The following GRM7 variants were observed in gnomAD, a reference collection of about 807,000 sequenced individuals.
The protein encoded by GRM7 is glutamate metabotropic receptor 7, also known as metabotropic glutamate receptor 7.
GRM7 carries 35 observed loss-of-function variants against 84.5 expected under a neutral mutation model. That is an observed-to-expected ratio of 0.41 (90% CI 0.32 to 0.55). The LOEUF (loss-of-function observed/expected upper bound fraction) is 0.55, where lower values mean the gene tolerates loss of function less well. Among genes scored for constraint, GRM7 ranks in the 20% least tolerant of loss-of-function variants. The pLI is 0.19. For synonymous variants in GRM7, 487 were observed against 455.1 expected, an observed-to-expected ratio of 1.07 and a Z score of -0.89; for missense variants, 1,003 against 1,194.6, an observed-to-expected ratio of 0.84 and a Z score of 2.36.
At chr3:7,573,667 G>A (rs1694817608) in intron 7 of GRM7, among the ~76,000 whole-genome samples, 1 of 152,118 alleles carries the variant, frequency 6.6e-6, no homozygotes, top group South Asian at 2.1e-4. Context: ...CCCAACATGT[G>A]TGCTAGAAAA....
intron 9 of GRM7, among the ~76,000 whole-genome samples, chr3:7,733,710 T>C (rs1321214894): frequency 6.6e-6 from 1 of 152,204 alleles, no homozygotes; most frequent in Non-Finnish European, 1.5e-5. Context: ...GAATTTGTTA[T>C]GACAATCTGC....
chr3:7,301,012 T>C (rs1575139289), intron 3 of GRM7, among the ~76,000 whole-genome samples: 1 of 152,258 alleles, frequency 6.6e-6, no homozygotes, highest in Middle Eastern at 3.4e-3. Context: ...ATAAGCTTCT[T>C]TTTTTTCTGA....
intron 1 of GRM7, among the ~76,000 whole-genome samples, chr3:6,871,571 G>A (rs1033291862): frequency 2.6e-5 from 4 of 151,230 alleles, no homozygotes; most frequent in African/African-American, 4.9e-5. Flanking sequence ...TGTCATCTCC[G>A]TTTAGGTATT....
chr3:6,954,517 T>G (rs1028844907), intron 1 of GRM7, among the ~76,000 whole-genome samples: 6 of 152,160 alleles, frequency 3.9e-5, no homozygotes, highest in African/African-American at 1.4e-4. Context: ...TGAATCCCCT[T>G]ATAAGTTTTC....
chr3:7,431,301 A>G (rs1346889684), intron 5 of GRM7, among the ~76,000 whole-genome samples: 1 of 152,226 alleles, frequency 6.6e-6, no homozygotes, highest in East Asian at 1.9e-4. Flanking sequence ...GAGTGAAAGA[A>G]TCCAGACCCC....
chr3:7,294,955 C>T (rs935994000), intron 2 of GRM7, among the ~76,000 whole-genome samples: 2 of 152,168 alleles, frequency 1.3e-5, no homozygotes, highest in African/African-American at 2.4e-5. Flanking sequence ...AAGTGTCTGG[C>T]TTGTGCTTTC....
intron 7 of GRM7, among the ~76,000 whole-genome samples, chr3:7,482,532 G>T (rs770934432): frequency 1.2e-4 from 18 of 152,198 alleles, no homozygotes; most frequent in Non-Finnish European, 2.5e-4. Flanking sequence ...CAGGAGGCAT[G>T]TCCTTAGAGA....
At chr3:6,966,497 A>G (rs1469095133) in intron 1 of GRM7, among the ~76,000 whole-genome samples, 7 of 152,214 alleles carry the variant, frequency 4.6e-5, no homozygotes, top group Admixed American at 3.9e-4. Flanking sequence ...GAGAGCAGAA[A>G]CAGTGTTTAC....
intron 4 of GRM7, among the ~76,000 whole-genome samples, chr3:7,388,698 T>G (rs935703317): frequency 6.6e-6 from 1 of 152,142 alleles, no homozygotes; most frequent in African/African-American, 2.4e-5. Context: ...TTTATCTATT[T>G]CCTTTAGATT....
intron 2 of GRM7, among the ~76,000 whole-genome samples, chr3:7,239,095 G>A (rs998389487): frequency 6.6e-6 from 1 of 150,660 alleles, no homozygotes; most frequent in African/African-American, 2.4e-5. Flanking sequence ...ACCTCCCTGG[G>A]CTCAAGTGAT....
At chr3:7,231,390 G>A (rs1164181310) in intron 2 of GRM7, among the ~76,000 whole-genome samples, 1 of 152,098 alleles carries the variant, frequency 6.6e-6, no homozygotes, top group Non-Finnish European at 1.5e-5. Context: ...TCCAACAGAT[G>A]AACATATGGC....
intron 1 of GRM7, among the ~76,000 whole-genome samples, chr3:7,029,876 C>T (rs547166671): frequency 1.3e-5 from 2 of 152,218 alleles, no homozygotes; most frequent in Non-Finnish European, 2.9e-5. Flanking sequence ...GTTGTGTATA[C>T]TTTACCACAA....
intron 2 of GRM7, among the ~76,000 whole-genome samples, chr3:7,192,355 G>A (rs76312274): frequency 1.3e-3 from 197 of 152,188 alleles, no homozygotes; most frequent in African/African-American, 4.3e-3. Context: ...CAGTAATTCT[G>A]CATGTCCTGG....
chr3:6,939,043 TTA>T (rs1343090096), intron 1 of GRM7, among the ~76,000 whole-genome samples: 1 of 152,232 alleles, frequency 6.6e-6, no homozygotes, highest in Non-Finnish European at 1.5e-5. Flanking sequence ...TGCTAGAGTT[TTA>T]TATGTTTCAT....
intron 1 of GRM7, among the ~76,000 whole-genome samples, chr3:6,999,268 T>C (rs1237935273): frequency 2.0e-5 from 3 of 152,194 alleles, no homozygotes; most frequent in Non-Finnish European, 4.4e-5. Context: ...CTCATCTCCA[T>C]GTGAGAACAC....
intron 1 of GRM7, among the ~76,000 whole-genome samples, chr3:6,884,018 T>A (rs1435620796): frequency 6.6e-6 from 1 of 152,220 alleles, no homozygotes; most frequent in Non-Finnish European, 1.5e-5. Flanking sequence ...TAAGTTATAT[T>A]GATGACAGTA....
chr3:7,734,335 AT>A (rs1559512138), intron 9 of GRM7, among the ~76,000 whole-genome samples: 2 of 152,280 alleles, frequency 1.3e-5, no homozygotes, highest in South Asian at 4.1e-4. Context: ...GGATATGCCA[AT>A]CCCTTGCTGA....
chr3:7,075,496 ATGTG>A (rs376048569), intron 1 of GRM7, among the ~76,000 whole-genome samples: 5,933 of 138,432 alleles, frequency 0.043, 239 homozygotes, highest in African/African-American at 0.1. Flanking sequence ...TGCTTCTCAG[ATGTG>A]TGTGTGTGTG....
At chr3:7,645,962 G>T (rs1217326592) in intron 8 of GRM7, among the ~76,000 whole-genome samples, 1 of 152,120 alleles carries the variant, frequency 6.6e-6, no homozygotes, top group African/African-American at 2.4e-5. Flanking sequence ...TTAATCAGAA[G>T]GACTTTTTGC....
Sources: allele counts gnomAD v4.1 joint callset (sites outside exome capture counted in the v4.1 genomes callset), GRCh38; gene constraint gnomAD v4.1.1; transcripts MANE v1.5; gene names NCBI Gene and HGNC (gene_info 2026-07-23, HGNC 2026-07-21).